JAKMIP3: variants seen among roughly 807,000 people sequenced by gnomAD.
The protein encoded by JAKMIP3 is janus kinase and microtubule-interacting protein 3.
In JAKMIP3, 58 loss-of-function variants were observed where a neutral mutation model predicts 118.5. That is an observed-to-expected ratio of 0.49 (90% CI 0.40 to 0.61). The LOEUF (loss-of-function observed/expected upper bound fraction) is 0.61, where lower values mean the gene tolerates loss of function less well. Among genes scored for constraint, JAKMIP3 ranks in the 20% least tolerant of loss-of-function variants. The probability of loss-of-function intolerance (pLI) is 0.00; values close to 1 mark genes in which losing one functional copy is unlikely to be tolerated. For missense variants in JAKMIP3, 950 were observed against 1,109.0 expected (o/e 0.86, Z 2.04); for synonymous variants, 486 against 451.2 (o/e 1.08, Z -0.98).
At chr10:132,107,049 A>T (rs1167059365) in intron 2 of JAKMIP3, among the ~76,000 whole-genome samples, 133 of 131,690 alleles carry the variant, frequency 1.0e-3, no homozygotes, top group Admixed American at 2.9e-3. Context: ...ATGTCCGGCT[A>T]TTTTTTTTTT....
In JAKMIP3 at chr10:132,104,788, C is replaced by T. The variant is rs980078463; in HGVS notation, c.-21C>T. On this transcript the variant is annotated 5_prime_UTR_variant, in exon 2 of 24. Transcript: ENST00000684848. The stretch of plus-strand genomic sequence containing the variant: ...CGGAGCACCCTACCCCTGGGCATCC[C>T]CCTGGCCATCCAGCCTCACCATGTC... 11 of 1,547,652 alleles carry T rather than the reference C, an allele frequency of 7.1e-6. No individual in the cohort carries two copies. In the Admixed American group the frequency reaches 1.8e-4, roughly 25 times the overall value.
chr10:132,053,395 C>T (rs79383757), intron 1 of JAKMIP3, among the ~76,000 whole-genome samples: 5,527 of 152,282 alleles, frequency 0.036, 285 homozygotes, highest in East Asian at 0.24. Context: ...CCTGTGGAAC[C>T]CCACACCAAA....
chr10:132,126,816 G>T (rs2049640379), intron 3 of JAKMIP3, among the ~76,000 whole-genome samples: 1 of 152,012 alleles, frequency 6.6e-6, no homozygotes, highest in Non-Finnish European at 1.5e-5. Context: ...AATAAGCATT[G>T]TATTTTTGGA....
intron 5 of JAKMIP3, among the ~76,000 whole-genome samples, chr10:132,135,588 G>A (rs1401343502): frequency 6.6e-6 from 1 of 152,244 alleles, no homozygotes; most frequent in Non-Finnish European, 1.5e-5. Flanking sequence ...GCAAGACAAA[G>A]CGCTGGCCCC....
rs1165577835 is a variant in JAKMIP3, at chr10:132,183,704, C to T, written c.*2451C>T. The T allele has an allele frequency of 6.6e-6, 1 of 152,160 alleles. No homozygotes were observed. The highest frequency in any genetic ancestry group is 1.5e-5 in the Non-Finnish European group (1 of 68,026). 9.4% of individuals were successfully genotyped at this position (152,160 alleles called of 1,614,324 possible). On this transcript the variant is annotated 3_prime_UTR_variant, in exon 24 of 24. Coordinates refer to ENST00000684848, the MANE Select transcript of JAKMIP3 (RefSeq NM_001323087.2). Reference sequence around the variant, plus strand: ...ACACATCTAGTTGGAGCGTCAGTTCCTCTCCTTAGATATCATTGTTTTCAC... The same window carrying T: ...ACACATCTAGTTGGAGCGTCAGTTCTTCTCCTTAGATATCATTGTTTTCAC...
Position 132,163,206 on chromosome 10 carries a change from C to T in JAKMIP3, c.2221-3C>T, listed in dbSNP as rs2058542537. ...GACTAAGGCGTCTCCCCTTCCGCCC[C>T]AGCACATCCTGGAGCTGGAAGCCAT... On this transcript the variant is annotated splice_region_variant and splice_polypyrimidine_tract_variant and intron_variant, in intron 19 of 23. Transcript: ENST00000684848. The T allele has an allele frequency of 6.4e-7, 1 of 1,554,948 alleles. No homozygotes were observed. The highest frequency in any genetic ancestry group is 8.7e-7 in the Non-Finnish European group (1 of 1,149,516).
intron 1 of JAKMIP3, among the ~76,000 whole-genome samples, chr10:132,069,981 C>G (rs928987986): frequency 3.3e-5 from 5 of 152,146 alleles, no homozygotes; most frequent in African/African-American, 1.2e-4. Flanking sequence ...TACCCTGTAC[C>G]TTAGAGAGTG....
rs754654999 is a variant in JAKMIP3 at position 132,136,092 on chromosome 10, GC to G, written c.1116+17del. ...CATAGAAATGGTGAGGGGGTGGGGG[GC>G]TCCACGGGGCCACGGTCGCACCCGA... On this transcript the variant is annotated intron_variant, in intron 6 of 23. Coordinates refer to ENST00000684848, the MANE Select transcript of JAKMIP3 (RefSeq NM_001323087.2). 1 of 1,611,338 alleles carries G rather than the reference GC, an allele frequency of 6.2e-7. No individual in the cohort carries two copies. The highest frequency in any genetic ancestry group is 1.3e-5 in the African/African-American group (1 of 74,834).
chr10:132,154,118 A>C, intron 19 of JAKMIP3, 128 bp downstream of exon 19: 2 of 729,852 alleles, frequency 2.7e-6, no homozygotes, highest in Non-Finnish European at 4.7e-6. Context: ...ATGGCCCCTA[A>C]TGACACCTGC....
chr10:132,114,825 A>G (rs1297311070), intron 2 of JAKMIP3, among the ~76,000 whole-genome samples: 1 of 152,144 alleles, frequency 6.6e-6, no homozygotes, highest in African/African-American at 2.4e-5. Context: ...GTGTTTTCTA[A>G]CACGTCATCA....
chr10:132,163,341 A>G lies in JAKMIP3; in HGVS notation c.2353A>G (p.Met785Val), dbSNP rs371020710. Residue 785 changes from methionine (M) to valine (V), a missense_variant, in exon 20 of 24, where the codon ATG becomes GTG. Physicochemically the swap from Met to Val is conservative, Grantham distance 21. Coordinates refer to ENST00000684848, the MANE Select transcript of JAKMIP3 (RefSeq NM_001323087.2). ...CGTGGAGCAGTGGAAGCGCCAGGTC[A>G]TGAGTGAGCTGCGCGAGCGGGACGC... ...VAVEQWKRQV[M>V]SELRERDAQI... The G allele has an allele frequency of 3.1e-6, 5 of 1,610,000 alleles. No individual in the cohort carries two copies. Among genetic ancestry groups the G allele is most frequent in the Admixed American group, 1.7e-5 (1 of 59,868 alleles).
At chr10:132,149,946 G>T (rs200783763) in intron 15 of JAKMIP3, 36 bp from the exon 16 acceptor site, 3 of 585,658 alleles carry the variant, frequency 5.1e-6, no homozygotes, top group Non-Finnish European at 7.6e-6. Flanking sequence ...TGCCCACCCC[G>T]TGGCCACTCA....
intron 1 of JAKMIP3, among the ~76,000 whole-genome samples, chr10:132,083,127 G>A (rs1407962497): frequency 6.6e-6 from 1 of 152,226 alleles, no homozygotes; most frequent in African/African-American, 2.4e-5. Context: ...CATAGTGGCT[G>A]TACTAGTTTA....
chr10:132,146,002 G>A (rs2054531594), intron 13 of JAKMIP3, among the ~76,000 whole-genome samples: 1 of 152,218 alleles, frequency 6.6e-6, no homozygotes, highest in Non-Finnish European at 1.5e-5. Flanking sequence ...AAGTCCTCGG[G>A]GAAGAGCCCA....
chr10:132,180,646 CGT>C lies in JAKMIP3; in HGVS notation c.*1104-1707_*1104-1706del, dbSNP rs1187732479. Among the ~76,000 whole-genome samples the C allele has an allele frequency of 4.9e-3, 41 of 8,310 alleles. 8 individuals are homozygous for C. The highest frequency in any genetic ancestry group is 0.011 in the South Asian group (2 of 188). 5.5% of individuals were successfully genotyped at this position (8,310 alleles called of 152,430 possible). A position where few individuals can be genotyped will look rare whatever the true frequency, so the allele number is the denominator to read the frequency against. On this transcript the variant is annotated intron_variant, in intron 23 of 23. Transcript: ENST00000684848. ...GTGTGCGTGTGTGCGTGCGTGTGTG[CGT>C]GTGCGTGTGCGTGTGTGCGTGTGTG... is the stretch of plus-strand genomic sequence containing the variant.
intron 3 of JAKMIP3, among the ~76,000 whole-genome samples, chr10:132,127,055 A>G (rs559650225): frequency 5.8e-4 from 88 of 152,088 alleles, no homozygotes; most frequent in Non-Finnish European, 1.1e-3. Context: ...CAGTGAAGCT[A>G]TTTGGGTCAG....
At chr10:132,165,000 A>T (rs1337484876) in intron 21 of JAKMIP3, among the ~76,000 whole-genome samples, 1 of 152,108 alleles carries the variant, frequency 6.6e-6, no homozygotes, top group Non-Finnish European at 1.5e-5. Context: ...CAGCCATGCG[A>T]CCGCAGAGGA....
Position 132,139,214 on chromosome 10 carries a change from G to GTA in JAKMIP3, c.1344+1037_1344+1038insAT, listed in dbSNP as rs1260096174. ...TGTGTGTATGAGTGTGTGTGTGTAT[G>GTA]TGTGTACATGTGAGTGTATATGCAT... On this transcript the variant is annotated intron_variant, in intron 9 of 23. Transcript: ENST00000684848. Among the ~76,000 whole-genome samples the GTA allele has an allele frequency of 9.6e-5, 13 of 136,008 alleles. 2 individuals carry two copies. The highest frequency in any genetic ancestry group is 2.9e-4 in the African/African-American group (10 of 34,698). The allele number at this position is 136,008 out of a possible 152,430, so 89.2% of individuals were successfully genotyped here.
chr10:132,145,666 A>C, intron 13 of JAKMIP3, 86 bp downstream of exon 13: 1 of 1,168,264 alleles, frequency 8.6e-7, no homozygotes, highest in Non-Finnish European at 1.2e-6. Flanking sequence ...TGAAGGATGG[A>C]GCGAGGGCTG....
Sources: gnomAD v4.1 joint callset for allele counts (sites outside exome capture counted in the v4.1 genomes callset) on GRCh38, gnomAD v4.1.1 for gene constraint, MANE v1.5 for transcripts, NCBI Gene and HGNC (gene_info 2026-07-23, HGNC 2026-07-21) for gene names.